Variants in POFUT1 observed in about 807,000 individuals in gnomAD.
POFUT1 encodes protein O-fucosyltransferase 1.
A neutral mutation model predicts 42.4 loss-of-function variants in POFUT1; 16 were observed. The ratio of observed to expected loss-of-function variants is 0.38; its 90% CI spans 0.26 to 0.57. POFUT1 has a LOEUF of 0.57. POFUT1 is among the 20% of genes least tolerant of loss of function. The probability of loss-of-function intolerance (pLI) is 0.71; values close to 1 mark genes in which losing one functional copy is unlikely to be tolerated. For missense variants in POFUT1, 470 were observed against 504.6 expected (o/e 0.93, Z 0.66); for synonymous variants, 206 against 205.4 (o/e 1.00, Z -0.03).
intron 5 of POFUT1, among the ~76,000 whole-genome samples, chr20:32,228,774 T>C: frequency 6.6e-6 from 1 of 152,222 alleles, no homozygotes; most frequent in East Asian, 1.9e-4. Flanking sequence ...CCTAGCTCAG[T>C]GTCTGGCTGG....
At chr20:32,228,823 A>G (rs913260589) in intron 5 of POFUT1, among the ~76,000 whole-genome samples, 11 of 152,226 alleles carry the variant, frequency 7.2e-5, no homozygotes, top group Non-Finnish European at 1.3e-4. Context: ...GAGATGAGGC[A>G]TGGCTCCCAA....
intron 6 of POFUT1, among the ~76,000 whole-genome samples, chr20:32,233,527 C>T (rs1464540161): frequency 6.6e-6 from 1 of 152,090 alleles, no homozygotes; most frequent in African/African-American, 2.4e-5. Flanking sequence ...AAAGGGTGTT[C>T]CACTTGGAGG....
intron 5 of POFUT1, among the ~76,000 whole-genome samples, chr20:32,229,804 T>A (rs2047432805): frequency 1.4e-5 from 2 of 140,030 alleles, no homozygotes; most frequent in Non-Finnish European, 3.0e-5. Flanking sequence ...AGAGTCTCAC[T>A]CCATTGCCGA....
chr20:32,234,661 A>AT lies in POFUT1; in HGVS notation c.*2dup. 1 of 1,601,286 alleles carries AT rather than the reference A, an allele frequency of 6.2e-7. No homozygotes were observed. The highest frequency in any genetic ancestry group is 8.5e-7 in the Non-Finnish European group (1 of 1,172,778). Reference sequence around the variant, plus strand: ...CCCCTAAGCTGCGGGACGAGTTCTGATTCTGGCCGGAGCACCAGACCCTCT... The same window carrying AT: ...CCCCTAAGCTGCGGGACGAGTTCTGATTTCTGGCCGGAGCACCAGACCCTCT... On this transcript the variant is annotated 3_prime_UTR_variant, in exon 7 of 7. Transcript: ENST00000375749.
At chr20:32,233,426 AT>A (rs1300712969) in intron 6 of POFUT1, among the ~76,000 whole-genome samples, 4 of 152,192 alleles carry the variant, frequency 2.6e-5, no homozygotes, top group African/African-American at 9.6e-5. Context: ...GGGCTGGATG[AT>A]GGGGGTGGGA....
intron 2 of POFUT1, among the ~76,000 whole-genome samples, chr20:32,213,040 C>T (rs759301139): frequency 3.3e-5 from 5 of 152,068 alleles, no homozygotes; most frequent in Non-Finnish European, 5.9e-5. Context: ...TGCCCACCAC[C>T]ATGCCTAGCT....
chr20:32,224,387 ATCT>A (rs2047404619), intron 4 of POFUT1, among the ~76,000 whole-genome samples: 1 of 151,996 alleles, frequency 6.6e-6, no homozygotes, highest in African/African-American at 2.4e-5. Context: ...GCAAGACTCC[ATCT>A]CAAAAAAAAA....
chr20:32,230,778 G>T lies in POFUT1; in HGVS notation c.736-41G>T, dbSNP rs369326319. ...CCAGGTCTTGCTTCTGGGGTTCCAG[G>T]GCAGTTGCCAGTATTTAACCCTGTT... On this transcript the variant is annotated intron_variant, in intron 5 of 6. Transcript: ENST00000375749. The T allele has an allele frequency of 3.4e-5, 55 of 1,600,614 alleles. No individual in the cohort carries two copies. In the African/African-American group the frequency reaches 6.7e-4, roughly 19 times the overall value.
At chr20:32,209,532 G>T (rs2047315226) in intron 1 of POFUT1, among the ~76,000 whole-genome samples, 1 of 152,160 alleles carries the variant, frequency 6.6e-6, no homozygotes, top group South Asian at 2.1e-4. Context: ...GCCATGCTGG[G>T]ATTAAGAAAA....
At chr20:32,230,081 A>C (rs1357555790) in intron 5 of POFUT1, among the ~76,000 whole-genome samples, 2 of 150,920 alleles carry the variant, frequency 1.3e-5, no homozygotes, top group Non-Finnish European at 3.0e-5. Context: ...CCTGGTCCTC[A>C]GTGTTTTCTT....
rs2047480134 is a variant in POFUT1, at chr20:32,237,854, A to G, written c.*3193A>G. The G allele has an allele frequency of 1.9e-6, 1 of 534,182 alleles. No homozygotes were observed. The highest frequency in any genetic ancestry group is 1.9e-5 in the Admixed American group (1 of 51,532). 33.1% of individuals were successfully genotyped at this position (534,182 alleles called of 1,614,324 possible). ...CTCCAGTGCCCTCCTCTCCCAAGAG[A>G]CAAAGGCCATTGCATTGAAGGAGGT... is the stretch of plus-strand genomic sequence containing the variant. On this transcript the variant is annotated 3_prime_UTR_variant, in exon 7 of 7. Coordinates refer to ENST00000375749, the MANE Select transcript of POFUT1 (RefSeq NM_015352.2).
At chr20:32,213,499 G>A (rs898358956) in intron 2 of POFUT1, among the ~76,000 whole-genome samples, 7 of 150,498 alleles carry the variant, frequency 4.7e-5, no homozygotes, top group African/African-American at 1.5e-4. Context: ...GAGGCTGGGC[G>A]CAGTGGCTCA....
chr20:32,209,971 C>A, intron 1 of POFUT1, 100 bp from the exon 2 acceptor site: 1 of 1,332,756 alleles, frequency 7.5e-7, no homozygotes, highest in Non-Finnish European at 1.1e-6. Context: ...CCTTGGTATC[C>A]CTGACTTTCT....
In POFUT1 at chr20:32,207,925, C is replaced by A. The variant is rs770466202; in HGVS notation, c.-17C>A. ...CCCCGACTGTGCGCCGCGGCTGGCT[C>A]GGGTTCCCGGGCCGACATGGGCGCC... On this transcript the variant is annotated 5_prime_UTR_variant, in exon 1 of 7. Coordinates refer to ENST00000375749, the MANE Select transcript of POFUT1 (RefSeq NM_015352.2). 46 of 1,576,222 alleles carry A rather than the reference C, an allele frequency of 2.9e-5. No individual in the cohort carries two copies. In the African/African-American group the frequency reaches 5.8e-4, roughly 20 times the overall value.
In POFUT1 at chr20:32,228,308, A is replaced by G. The variant is rs6579005; in HGVS notation, c.588A>G (p.Pro196=). 0.011 allele frequency: 17,418 copies of G among 1,613,994 alleles called. 1,695 individuals are homozygous for G. In the African/African-American group the frequency reaches 0.2, roughly 19 times the overall value. The change falls in exon 5 of 7, where the codon CCA becomes CCG. Residue 196 remains proline (P), a synonymous_variant. Coordinates refer to ENST00000375749, the MANE Select transcript of POFUT1 (RefSeq NM_015352.2). Reference sequence around the variant, plus strand: ...CGGTGCTTGCCCTGCCAGGAGCCCCAGCCCAGTTCCCCGTCCTAGAGGAAC... The same window carrying G: ...CGGTGCTTGCCCTGCCAGGAGCCCCGGCCCAGTTCCCCGTCCTAGAGGAAC... ...EHPVLALPGA[P]AQFPVLEEHR...
At chr20:32,229,900 C>T (rs967614031) in intron 5 of POFUT1, among the ~76,000 whole-genome samples, 12 of 152,094 alleles carry the variant, frequency 7.9e-5, no homozygotes, top group South Asian at 6.2e-4. Flanking sequence ...ACCTCAGCCT[C>T]CTGGGTAGCT....
chr20:32,210,139 T>C lies in POFUT1; in HGVS notation c.193T>C (p.Leu65=). ...LAFAKLLNRT[L]AVPPWIEYQH... is the part of the protein sequence containing the mutation. ...ATTTGCAAAGCTGCTAAACCGTACCTTGGCTGTCCCTCCTTGGATTGAGTA... is the reference window on the plus strand; with the variant it reads ...ATTTGCAAAGCTGCTAAACCGTACCCTGGCTGTCCCTCCTTGGATTGAGTA... Residue 65 remains leucine (L), a synonymous_variant, in exon 2 of 7, where the codon TTG becomes CTG. Transcript: ENST00000375749. 1 of 1,614,158 alleles carries C rather than the reference T, an allele frequency of 6.2e-7. No homozygotes were observed. The highest frequency in any genetic ancestry group is 1.7e-5 in the Admixed American group (1 of 60,022).
intron 3 of POFUT1, 84 bp downstream of exon 3, chr20:32,215,535 A>G: frequency 2.6e-6 from 3 of 1,171,258 alleles, no homozygotes; most frequent in Non-Finnish European, 3.6e-6. Flanking sequence ...AAATGTGGGG[A>G]AAAGCACCAG....
At chr20:32,224,096 A>G (rs2047402916) in intron 4 of POFUT1, among the ~76,000 whole-genome samples, 1 of 152,238 alleles carries the variant, frequency 6.6e-6, no homozygotes, top group African/African-American at 2.4e-5. Flanking sequence ...ACATATAAAC[A>G]AAACTGGAGT....
Sources: allele counts gnomAD v4.1 joint callset (sites outside exome capture counted in the v4.1 genomes callset), GRCh38; gene constraint gnomAD v4.1.1; transcripts MANE v1.5; gene names NCBI Gene and HGNC (gene_info 2026-07-23, HGNC 2026-07-21).